FANCI: variants seen among roughly 807,000 people sequenced by gnomAD.
FANCI encodes the protein FA complementation group I.
A neutral mutation model predicts 176.1 loss-of-function variants in FANCI; 156 were observed. The observed-to-expected ratio is 0.89, with a 90% confidence interval of 0.78 to 1.01. The LOEUF is 1.01. Ranked by LOEUF, FANCI falls within the 50% of genes least tolerant of loss-of-function variation. The probability of loss-of-function intolerance (pLI) is 0.00; values close to 1 mark genes in which losing one functional copy is unlikely to be tolerated. For synonymous variants in FANCI, 613 were observed against 541.7 expected (o/e 1.13, Z -1.83); for missense variants, 1,678 against 1,534.1 (o/e 1.09, Z -1.57).
chr15:89,285,320 C>A, intron 18 of FANCI, 102 bp downstream of exon 18: 4 of 1,464,440 alleles, frequency 2.7e-6, no homozygotes, highest in Non-Finnish European at 2.8e-6. Flanking sequence ...TATGCTCTTA[C>A]TTGATGTAGT....
At chr15:89,280,931 C>G (rs528784153) in intron 14 of FANCI, among the ~76,000 whole-genome samples, 1 of 152,224 alleles carries the variant, frequency 6.6e-6, no homozygotes, top group African/African-American at 2.4e-5. Flanking sequence ...TCGGTTTCTT[C>G]CTTTCTTTTA....
At chr15:89,256,123 A>G (rs952850145) in intron 2 of FANCI, among the ~76,000 whole-genome samples, 1 of 152,220 alleles carries the variant, frequency 6.6e-6, no homozygotes, top group African/African-American at 2.4e-5. Flanking sequence ...CTATTTCAAA[A>G]AGAGTCAACA....
chr15:89,280,758 C>T (rs951390801), intron 14 of FANCI, among the ~76,000 whole-genome samples: 1 of 152,140 alleles, frequency 6.6e-6, no homozygotes, highest in East Asian at 1.9e-4. Flanking sequence ...TTACTTCCAA[C>T]TAAATTATTA....
intron 1 of FANCI, among the ~76,000 whole-genome samples, chr15:89,244,734 C>T (rs533819155): frequency 1.3e-5 from 2 of 152,300 alleles, no homozygotes; most frequent in African/African-American, 2.4e-5. Flanking sequence ...GGTTTCACTT[C>T]TCTCTCTGCC....
At chr15:89,315,537 A>G (rs1023161982) in intron 37 of FANCI, 148 bp downstream of exon 37, 3 of 681,810 alleles carry the variant, frequency 4.4e-6, no homozygotes, top group East Asian at 5.6e-5. Context: ...GGACTCTCAG[A>G]AGGGTTGTAA....
At chr15:89,308,523 GA>G (rs1445143109) in intron 34 of FANCI, among the ~76,000 whole-genome samples, 1 of 152,184 alleles carries the variant, frequency 6.6e-6, no homozygotes, top group African/African-American at 2.4e-5. Context: ...TAAAGCAATG[GA>G]TCGTGACCAC....
chr15:89,246,143 A>G (rs1049818616), intron 1 of FANCI, among the ~76,000 whole-genome samples: 1 of 152,220 alleles, frequency 6.6e-6, no homozygotes, highest in African/African-American at 2.4e-5. Flanking sequence ...GAGGAGGAAC[A>G]GATTTTCTTT....
chr15:89,286,907 A>G (rs1405701775), intron 18 of FANCI, among the ~76,000 whole-genome samples: 1 of 150,686 alleles, frequency 6.6e-6, no homozygotes, highest in African/African-American at 2.5e-5. Flanking sequence ...ACCTCGATCA[A>G]TTATGTTAGC....
intron 22 of FANCI, 52 bp downstream of exon 22, chr15:89,293,115 T>A: frequency 6.3e-7 from 1 of 1,584,540 alleles, no homozygotes; most frequent in Admixed American, 1.7e-5. Context: ...TCCATTTTAT[T>A]TACATATTTT....
At chr15:89,280,236 G>C (rs1184355818) in intron 14 of FANCI, among the ~76,000 whole-genome samples, 1 of 152,004 alleles carries the variant, frequency 6.6e-6, no homozygotes, top group Non-Finnish European at 1.5e-5. Context: ...TGGCCAGGAT[G>C]GTCTCAATCT....
intron 20 of FANCI, among the ~76,000 whole-genome samples, chr15:89,291,954 A>G (rs2054086438): frequency 1.3e-5 from 2 of 152,214 alleles, no homozygotes; most frequent in Non-Finnish European, 1.5e-5. Flanking sequence ...AGAATATTTT[A>G]TCTCATTTAT....
At chr15:89,306,973 A>T (rs945045110) in intron 32 of FANCI, among the ~76,000 whole-genome samples, 3 of 152,182 alleles carry the variant, frequency 2.0e-5, no homozygotes, top group African/African-American at 7.2e-5. Context: ...GAAGAAAATT[A>T]TTTTTTATAA....
rs749071182 is a variant in FANCI at position 89,261,889 on chromosome 15, T to C, written c.503+11T>C. ...CCTGTGTTCTGGCAGGTGAGTCTTG[T>C]TAATATGTATAACTTTCTTAGGAAT... On this transcript the variant is annotated intron_variant, in intron 6 of 37. Transcript: ENST00000310775. 7 of 1,613,526 alleles carry C rather than the reference T, an allele frequency of 4.3e-6. No homozygotes were observed. In the East Asian group the frequency reaches 1.6e-4, roughly 36 times the overall value.
intron 1 of FANCI, chr15:89,245,172 C>CTTTTTTTTT (rs1354260784): frequency 4.1e-5 from 5 of 122,542 alleles, no homozygotes; most frequent in African/African-American, 1.6e-4. Context: ...CTTTTCTTTT[C>CTTTTTTTTT]TTTTCTTTTT....
intron 10 of FANCI, among the ~76,000 whole-genome samples, chr15:89,269,070 G>C (rs557331959): frequency 1.3e-4 from 20 of 152,252 alleles, no homozygotes; most frequent in African/African-American, 4.8e-4. Context: ...TTTTTAGTTT[G>C]AAAATTCTAA....
rs148524861 is a variant in FANCI at position 89,313,888 on chromosome 15, A to G, written c.3721-724A>G. 3.5e-5 allele frequency among the ~76,000 whole-genome samples: 5 copies of G among 142,588 alleles called. No individual in the cohort carries two copies. In the South Asian group the frequency reaches 9.1e-4, roughly 26 times the overall value. 93.5% of individuals were successfully genotyped at this position (142,588 alleles called of 152,430 possible). On this transcript the variant is annotated intron_variant, in intron 35 of 37. Coordinates refer to ENST00000310775, the MANE Select transcript of FANCI (RefSeq NM_001113378.2). ...TAAAAAAAATTTGTACAGTATCCTC[A>G]TGGGTTAAAAATACACACACACACA...
At chr15:89,283,091 C>T (rs1263624061) in intron 16 of FANCI, 45 bp from the exon 17 acceptor site, 3 of 1,597,614 alleles carry the variant, frequency 1.9e-6, no homozygotes, top group Middle Eastern at 1.7e-4. Flanking sequence ...GAAGCATATT[C>T]CTGTGAAATA....
intron 2 of FANCI, among the ~76,000 whole-genome samples, chr15:89,255,936 T>A (rs1286953407): frequency 6.6e-6 from 1 of 152,220 alleles, no homozygotes; most frequent in Non-Finnish European, 1.5e-5. Context: ...GTGCAAATTC[T>A]TCTCCCCTTT....
chr15:89,305,354 A>C lies in FANCI; in HGVS notation c.3200A>C (p.Glu1067Ala), dbSNP rs2054677410. ...LGDIDQDVEV[E>A]KTNHFAIVNL... ...TCTTTTCCCCAGGATGTAGAGGTGG[A>C]GAAAACAAACCACTTTGCAATAGTG... Residue 1067 changes from glutamate to alanine, a missense_variant, in exon 30 of 38, where the codon GAG (glutamate) becomes GCG (alanine). By Grantham distance (107) the Glu-to-Ala change is moderately radical. Coordinates refer to ENST00000310775, the MANE Select transcript of FANCI (RefSeq NM_001113378.2). 6.2e-7 allele frequency: 1 copy of C among 1,614,174 alleles called. No individual in the cohort carries two copies.
Sources: allele counts gnomAD v4.1 joint callset (sites outside exome capture counted in the v4.1 genomes callset), GRCh38; gene constraint gnomAD v4.1.1; transcripts MANE v1.5; gene names NCBI Gene and HGNC (gene_info 2026-07-23, HGNC 2026-07-21).